The following STAT5B variants were observed in gnomAD, a reference collection of about 807,000 sequenced individuals.
The protein encoded by STAT5B is signal transducer and activator of transcription 5B.
A neutral mutation model predicts 107.8 loss-of-function variants in STAT5B; 21 were observed. The observed-to-expected ratio is 0.19, with a 90% CI of 0.14 to 0.28. STAT5B has a LOEUF of 0.28. Ranked by LOEUF, STAT5B falls within the 10% of genes least tolerant of loss-of-function variation. The pLI is 1.00. For missense variants in STAT5B, 565 were observed against 1,008.2 expected (o/e 0.56, Z 5.95); for synonymous variants, 325 against 401.7 (o/e 0.81, Z 2.28).
At chr17:42,254,806 AAAG>A (rs1217938890) in intron 1 of STAT5B, among the ~76,000 whole-genome samples, 1 of 152,198 alleles carries the variant, frequency 6.6e-6, no homozygotes, top group African/African-American at 2.4e-5. Flanking sequence ...ATGGAAAAAA[AAAG>A]AAGGTCGGTG....
chr17:42,217,497 A>T (rs1451408520), intron 9 of STAT5B, 33 bp from the exon 10 acceptor site: 1 of 1,612,260 alleles, frequency 6.2e-7, no homozygotes, highest in African/African-American at 1.3e-5. Context: ...CTCCAAACCC[A>T]TGCCAGGGTC....
At chr17:42,254,797 T>C (rs1005650169) in intron 1 of STAT5B, among the ~76,000 whole-genome samples, 2 of 151,424 alleles carry the variant, frequency 1.3e-5, no homozygotes, top group Admixed American at 6.6e-5. Context: ...TTTTTAAAAA[T>C]GGAAAAAAAA....
At chr17:42,214,292 GA>G in intron 12 of STAT5B, 1 of 985,232 alleles carries the variant, frequency 1.0e-6, no homozygotes, top group Non-Finnish European at 1.2e-6. Context: ...GAGATCTGTG[GA>G]CAGGCAGGGA....
chr17:42,283,273 A>G, the STAT5B span, among the ~76,000 whole-genome samples: 12 of 152,170 alleles, frequency 7.9e-5, no homozygotes, highest in South Asian at 2.1e-4. Context: ...GACAGTGCCA[A>G]TTCCACTCAG....
intron 15 of STAT5B, among the ~76,000 whole-genome samples, chr17:42,208,294 A>G (rs925611094): frequency 1.1e-4 from 16 of 152,032 alleles, no homozygotes; most frequent in Non-Finnish European, 1.6e-4. Context: ...TGAGGTCAGG[A>G]GTTCAAGACC....
chr17:42,219,455 G>A lies in STAT5B; in HGVS notation c.690C>T (p.Ala230=), dbSNP rs555155085. The change falls in exon 7 of 19, where the codon GCC becomes GCT. Residue 230 remains alanine, a synonymous_variant. Transcript: ENST00000293328. The part of the protein sequence containing the change: ...QTLQQYRVEL[A]EKHQKTLQLL... ...GCTGCAGGGTCTTCTGGTGCTTCTC[G>A]GCCAGCTCCTGAGGGAAGGGAGGAG... 5.5e-4 allele frequency: 786 copies of A among 1,437,330 alleles called. 5 individuals carry two copies. In the African/African-American group the frequency reaches 0.01, roughly 19 times the overall value. 89.0% of individuals were successfully genotyped at this position (1,437,330 alleles called of 1,614,324 possible).
At chr17:42,225,479 T>C (rs2144273896) in intron 3 of STAT5B, among the ~76,000 whole-genome samples, 1 of 152,174 alleles carries the variant, frequency 6.6e-6, no homozygotes, top group East Asian at 1.9e-4. Flanking sequence ...CGAGGGACAC[T>C]GCCCCCCTCT....
At position 42,202,358 on chromosome 17, in the gene STAT5B, T is replaced by C; in HGVS notation, c.2219A>G (p.Tyr740Cys). 1 of 1,614,134 alleles carries C rather than the reference T, an allele frequency of 6.2e-7. No individual in the cohort carries two copies. The highest frequency in any genetic ancestry group is 8.5e-7 in the Non-Finnish European group (1 of 1,179,990). Residue 740 changes from tyrosine to cysteine, a missense_variant, in exon 18 of 19, where the codon TAT becomes TGT. Physicochemically the swap from Tyr to Cys is radical, Grantham distance 194 (BLOSUM62 -2). Around this residue, in one of 11 missense-constraint regions of STAT5B, gnomAD observed 76 missense variants for 110.2 expected, o/e 0.69. Coordinates refer to ENST00000293328, the MANE Select transcript of STAT5B (RefSeq NM_012448.4). ...CACCTACTTCTGTGGGTACATGTTA[T>C]AGTGAGCCTGGGGACACACAGCTGG... Reference protein sequence around the residue: ...PSPAVCPQAHYNMYPQNPDSV... With the variant: ...PSPAVCPQAHCNMYPQNPDSV...
chr17:42,253,116 C>CTTTA (rs1217260483), intron 1 of STAT5B, among the ~76,000 whole-genome samples: 1 of 150,598 alleles, frequency 6.6e-6, no homozygotes, highest in South Asian at 2.1e-4. Context: ...ACCTTTCTTT[C>CTTTA]TTTCTTTCTT....
At chr17:42,216,128 C>G (rs763805504) in intron 11 of STAT5B, 22 bp from the exon 12 acceptor site, 6 of 1,605,238 alleles carry the variant, frequency 3.7e-6, no homozygotes, top group Admixed American at 1.7e-5. Flanking sequence ...CAAGAGAAGG[C>G]TGAGCGCCCA....
intron 16 of STAT5B, among the ~76,000 whole-genome samples, chr17:42,205,106 C>G (rs970883383): frequency 7.2e-5 from 11 of 152,140 alleles, no homozygotes; most frequent in African/African-American, 2.7e-4. Context: ...TGGCTCACTG[C>G]AACCTCCGCC....
Position 42,201,060 on chromosome 17 carries a change from A to G in STAT5B, c.*678T>C, listed in dbSNP as rs1003306624. 1 of 402,032 alleles carries G rather than the reference A, an allele frequency of 2.5e-6. No individual in the cohort carries two copies. The highest frequency in any genetic ancestry group is 2.1e-5 in the African/African-American group (1 of 48,758). 24.9% of individuals were successfully genotyped at this position (402,032 alleles called of 1,614,324 possible). ...GGGCGGGCAGGAGGGGAGAGAGGAC[A>G]AAGAGAGAATAAGATGAGCTAAATG... On this transcript the variant is annotated 3_prime_UTR_variant, in exon 19 of 19. Coordinates refer to ENST00000293328, the MANE Select transcript of STAT5B (RefSeq NM_012448.4).
chr17:42,227,290 A>G (rs2080281578), intron 3 of STAT5B, among the ~76,000 whole-genome samples: 1 of 151,692 alleles, frequency 6.6e-6, no homozygotes, highest in Non-Finnish European at 1.5e-5. Context: ...CATAAAAGTC[A>G]ACAACAGGTG....
chr17:42,239,012 G>A (rs1450854080), intron 1 of STAT5B, among the ~76,000 whole-genome samples: 2 of 151,452 alleles, frequency 1.3e-5, no homozygotes, highest in Non-Finnish European at 2.9e-5. Flanking sequence ...CACTCTGGGA[G>A]GCCGAGGTGG....
upstream of STAT5B, among the ~76,000 whole-genome samples, chr17:42,280,355 C>T (rs1349855608): frequency 6.6e-6 from 1 of 152,118 alleles, no homozygotes; most frequent in East Asian, 1.9e-4. Flanking sequence ...TAGATGAACA[C>T]ATGGCTTTCA....
intron 1 of STAT5B, among the ~76,000 whole-genome samples, chr17:42,273,325 A>G (rs1269235172): frequency 6.6e-6 from 1 of 152,220 alleles, no homozygotes; most frequent in Non-Finnish European, 1.5e-5. Context: ...GATAGTGCAG[A>G]GCTAACTTTG....
At chr17:42,209,026 C>T (rs930076973) in intron 15 of STAT5B, among the ~76,000 whole-genome samples, 36 of 148,492 alleles carry the variant, frequency 2.4e-4, no homozygotes, top group African/African-American at 8.8e-4. Flanking sequence ...AGCCACCGCA[C>T]CCAGCCTTTT....
At chr17:42,214,862 G>A (rs1386276966) in intron 12 of STAT5B, among the ~76,000 whole-genome samples, 2 of 151,948 alleles carry the variant, frequency 1.3e-5, no homozygotes, top group Non-Finnish European at 2.9e-5. Flanking sequence ...CGATCCTCCC[G>A]CCTCAGCCCC....
chr17:42,255,856 C>T (rs777264009), intron 1 of STAT5B, among the ~76,000 whole-genome samples: 11 of 151,946 alleles, frequency 7.2e-5, no homozygotes, highest in Non-Finnish European at 1.0e-4. Context: ...TTTGGGAGGC[C>T]GAGGGCGGTT....
Sources: allele counts gnomAD v4.1 joint callset (sites outside exome capture counted in the v4.1 genomes callset), GRCh38; gene constraint gnomAD v4.1.1; regional missense constraint gnomAD v4.1.1; transcripts MANE v1.5; gene names NCBI Gene and HGNC (gene_info 2026-07-23, HGNC 2026-07-21).